Variants in ARHGDIA observed in about 807,000 individuals in gnomAD.
ARHGDIA encodes rho GDP-dissociation inhibitor 1.
A neutral mutation model predicts 25.0 loss-of-function variants in ARHGDIA; 9 were observed. The observed-to-expected ratio is 0.36, with a 90% CI of 0.22 to 0.63. The LOEUF (loss-of-function observed/expected upper bound fraction) is 0.63, where lower values mean the gene tolerates loss of function less well. Among genes scored for constraint, ARHGDIA ranks in the 20% least tolerant of loss-of-function variants. ARHGDIA has a pLI of 0.69. For missense variants in ARHGDIA, 239 were observed against 264.3 expected, an observed-to-expected ratio of 0.90 and a Z score of 0.66; for synonymous variants, 166 against 111.5, an observed-to-expected ratio of 1.49 and a Z score of -3.08.
intron 2 of ARHGDIA, 45 bp from the exon 3 acceptor site, chr17:81,869,670 G>A (rs1204475858): frequency 6.5e-6 from 10 of 1,538,610 alleles, no homozygotes; most frequent in African/African-American, 1.4e-5. Context: ...ACCAGTGGAA[G>A]TAGGGGCTGG....
chr17:81,870,192 G>A (rs912357872), intron 1 of ARHGDIA: 11 of 506,194 alleles, frequency 2.2e-5, no homozygotes, highest in East Asian at 1.3e-4. Context: ...GGGGAGAGAG[G>A]ACACACCTCC....
rs759440871 is a variant in ARHGDIA, at chr17:81,869,647, G to A, written c.191-22C>T. The A allele has an allele frequency of 2.1e-5, 32 of 1,520,846 alleles. No homozygotes were observed. The African/African-American group carries it at 2.2e-4, about 11-fold the overall frequency. 94.2% of individuals were successfully genotyped at this position (1,520,846 alleles called of 1,614,324 possible). On this transcript the variant is annotated intron_variant, in intron 2 of 5. Coordinates refer to ENST00000269321, the MANE Select transcript of ARHGDIA (RefSeq NM_004309.6). ...GGGTCTGGGGAGTGACAGCAGGTGA[G>A]GGCCCCACCCCCACCAGTGGAAGTA...
chr17:81,869,118 G>A (rs767684802), intron 5 of ARHGDIA, 43 bp from the exon 6 acceptor site: 4 of 1,612,852 alleles, frequency 2.5e-6, no homozygotes, highest in Non-Finnish European at 3.4e-6. Context: ...CCGCTTCCCC[G>A]CCTGGCAGCA....
In ARHGDIA at chr17:81,868,435, C is replaced by G. The variant is rs1183766764; in HGVS notation, c.*441G>C. 1 of 1,463,990 alleles carries G rather than the reference C, an allele frequency of 6.8e-7. No individual in the cohort carries two copies. The highest frequency in any genetic ancestry group is 1.4e-5 in the South Asian group (1 of 73,686). The allele number at this position is 1,463,990 out of a possible 1,614,324, so 90.7% of individuals were successfully genotyped here. On this transcript the variant is annotated 3_prime_UTR_variant, in exon 6 of 6. Transcript: ENST00000269321. ...GCCAGGGAGCAGCGGGGCTGGAGGA[C>G]GGCCCGGCCCCCACGAGGCCGTGCA... is the stretch of plus-strand genomic sequence containing the variant.
Position 81,868,333 on chromosome 17 carries a change from G to A in ARHGDIA, c.*543C>T, listed in dbSNP as rs998726578. ...GCTCATGCAGACACAGGGAGTTAGA[G>A]GCTAGTGAGGCCCCACGGTACACTC... On this transcript the variant is annotated 3_prime_UTR_variant, in exon 6 of 6. Coordinates refer to ENST00000269321, the MANE Select transcript of ARHGDIA (RefSeq NM_004309.6). 7.0e-7 allele frequency: 1 copy of A among 1,423,224 alleles called. No homozygotes were observed. The allele number at this position is 1,423,224 out of a possible 1,614,324, so 88.2% of individuals were successfully genotyped here.
chr17:81,868,743 G>C lies in ARHGDIA; in HGVS notation c.*133C>G. 6.5e-7 allele frequency: 1 copy of C among 1,537,592 alleles called. No individual in the cohort carries two copies. ...GAGGCACTCGGTTGAGCCAGGCCAG[G>C]GAGGCGGACCAGGGTGGGAGGGGCA... On this transcript the variant is annotated 3_prime_UTR_variant, in exon 6 of 6. Coordinates refer to ENST00000269321, the MANE Select transcript of ARHGDIA (RefSeq NM_004309.6).
chr17:81,869,051 C>T lies in ARHGDIA; in HGVS notation c.440G>A (p.Gly147Asp), dbSNP rs2039173758. The T allele has an allele frequency of 6.2e-7, 1 of 1,613,190 alleles. No individual in the cohort carries two copies. Among genetic ancestry groups the T allele is most frequent in the African/African-American group, 1.3e-5 (1 of 74,836 alleles). The part of the protein sequence containing the change: ...VKIDKTDYMV[G>D]SYGPRAEEYE... ...CTCCTCGGCCCGGGGCCCATAGCTG[C>T]CTACCATGTAGTCAGTCTTGTCAAC... The change falls in exon 6 of 6, where the codon GGC (glycine) becomes GAC (aspartate). Residue 147 changes from glycine to aspartate, a missense_variant. By Grantham distance (94) the Gly-to-Asp change is moderately conservative (BLOSUM62 -1). Transcript: ENST00000269321.
chr17:81,868,105 T>A lies in ARHGDIA; in HGVS notation c.*771A>T. 2.6e-6 allele frequency: 1 copy of A among 391,736 alleles called. No homozygotes were observed. The highest frequency in any genetic ancestry group is 4.6e-6 in the Non-Finnish European group (1 of 218,966). 24.3% of individuals were successfully genotyped at this position (391,736 alleles called of 1,614,324 possible). A position where few individuals can be genotyped will look rare whatever the true frequency, so the allele number is the denominator to read the frequency against. ...GACAGAAAAGGCAGAGGCAGGACAATACCCAGCCTCCTGGATGGTACTGAG... is the reference window on the plus strand; with the variant it reads ...GACAGAAAAGGCAGAGGCAGGACAAAACCCAGCCTCCTGGATGGTACTGAG... On this transcript the variant is annotated 3_prime_UTR_variant, in exon 6 of 6. Coordinates refer to ENST00000269321, the MANE Select transcript of ARHGDIA (RefSeq NM_004309.6).
In ARHGDIA at chr17:81,868,669, A is replaced by G; in HGVS notation, c.*207T>C. The G allele has an allele frequency of 6.5e-7, 1 of 1,534,700 alleles. No homozygotes were observed. Among genetic ancestry groups the G allele is most frequent in the Non-Finnish European group, 8.7e-7 (1 of 1,146,716 alleles). ...GGCAGAAGCAGCAACGAGACAGGAG[A>G]CCGAGGAGGCTGGGCCTGTGGGTGG... is the stretch of plus-strand genomic sequence containing the variant. On this transcript the variant is annotated 3_prime_UTR_variant, in exon 6 of 6. Transcript: ENST00000269321.
Position 81,869,823 on chromosome 17 carries a change from CTGGATGCTCT to C in ARHGDIA, c.98_107del (p.Lys33ArgfsTer37). ...CGTCCTTGTCCAGCTCCTGGATCTCCTGGATGCTCTTCTGGGCCGGGGGCTTGTAGTTGAC... is the reference window on the plus strand; with the variant it reads ...CGTCCTTGTCCAGCTCCTGGATCTCCTCTGGGCCGGGGGCTTGTAGTTGAC... On this transcript the variant is annotated frameshift_variant, in exon 2 of 6. Coordinates refer to ENST00000269321, the MANE Select transcript of ARHGDIA (RefSeq NM_004309.6). LOFTEE classifies it high-confidence loss of function. The C allele has an allele frequency of 6.2e-7, 1 of 1,614,160 alleles. No homozygotes were observed. The highest frequency in any genetic ancestry group is 8.5e-7 in the Non-Finnish European group (1 of 1,180,022).
chr17:81,868,390 C>G lies in ARHGDIA; in HGVS notation c.*486G>C, dbSNP rs981455275. On this transcript the variant is annotated 3_prime_UTR_variant, in exon 6 of 6. Coordinates refer to ENST00000269321, the MANE Select transcript of ARHGDIA (RefSeq NM_004309.6). ...TTAAGGCATCATGGTTAGACGGGAC[C>G]GACAGCGACAAGGGGGCTGGCCAGG... 4.8e-6 allele frequency: 7 copies of G among 1,444,698 alleles called. No homozygotes were observed. The East Asian group carries it at 7.5e-5, about 15-fold the overall frequency. 89.5% of individuals were successfully genotyped at this position (1,444,698 alleles called of 1,614,324 possible).
rs1208779952 is a variant in ARHGDIA at position 81,869,341 on chromosome 17, T to A, written c.340A>T (p.Ile114Phe). The A allele has an allele frequency of 6.2e-7, 1 of 1,613,838 alleles. No individual in the cohort carries two copies. Among genetic ancestry groups the A allele is most frequent in the East Asian group, 2.2e-5 (1 of 44,864 alleles). Residue 114 changes from isoleucine (I) to phenylalanine (F), a missense_variant, in exon 4 of 6, where the codon ATC becomes TTC. Physicochemically the swap from Ile to Phe is conservative, Grantham distance 21. This residue lies in a region of ARHGDIA where 75 missense variants were observed against 122.4 expected (regional missense o/e 0.61). Coordinates refer to ENST00000269321, the MANE Select transcript of ARHGDIA (RefSeq NM_004309.6). ...AGCCTGTAGCTTACCCGGAAAGAGA[T>A]TTTTATCCGGTACTCCACACCCTCC... ...LKEGVEYRIK[I>F]SFRVNREIVS... is the part of the protein sequence containing the mutation.
chr17:81,869,622 G>A lies in ARHGDIA; in HGVS notation c.194C>T (p.Pro65Leu), dbSNP rs1410907456. Reference sequence around the variant, plus strand: ...AGTCACCACGACGTTGGGGACGTTGGGGTCTGGGGAGTGACAGCAGGTGAG... The same window carrying A: ...AGTCACCACGACGTTGGGGACGTTGAGGTCTGGGGAGTGACAGCAGGTGAG... The part of the protein sequence containing the change: ...LLGRVAVSAD[P>L]NVPNVVVTGL... Residue 65 changes from proline (P) to leucine (L), a missense_variant, in exon 3 of 6, where the codon CCC (proline) becomes CTC (leucine). Pro to Leu is a moderately conservative substitution (Grantham distance 98). Transcript: ENST00000269321. The A allele has an allele frequency of 5.9e-6, 9 of 1,514,114 alleles. No homozygotes were observed. The highest frequency in any genetic ancestry group is 7.9e-6 in the Non-Finnish European group (9 of 1,133,112). 93.8% of individuals were successfully genotyped at this position (1,514,114 alleles called of 1,614,324 possible).
chr17:81,868,263 TG>T lies in ARHGDIA; in HGVS notation c.*612del. 1 of 1,177,010 alleles carries T rather than the reference TG, an allele frequency of 8.5e-7. No homozygotes were observed. The highest frequency in any genetic ancestry group is 1.1e-6 in the Non-Finnish European group (1 of 877,578). 72.9% of individuals were successfully genotyped at this position (1,177,010 alleles called of 1,614,324 possible). ...AGCAGCAGCACACCCCACGTGTCCC[TG>T]GGTCACTGGGTTCGCCACCGGGGAA... is the stretch of plus-strand genomic sequence containing the variant. On this transcript the variant is annotated 3_prime_UTR_variant, in exon 6 of 6. Transcript: ENST00000269321.
Position 81,869,126 on chromosome 17 carries a change from G to C in ARHGDIA, c.415+47C>G, listed in dbSNP as rs754100711. 3.3e-5 allele frequency: 53 copies of C among 1,613,082 alleles called. No individual in the cohort carries two copies. In the South Asian group the frequency reaches 4.3e-4, roughly 13 times the overall value. ...AGCGGCCCCGCTTCCCCGCCTGGCAGCACGCACCCAAGCGGCCCCCTCTGC... is the reference window on the plus strand; with the variant it reads ...AGCGGCCCCGCTTCCCCGCCTGGCACCACGCACCCAAGCGGCCCCCTCTGC... On this transcript the variant is annotated intron_variant, in intron 5 of 5. Coordinates refer to ENST00000269321, the MANE Select transcript of ARHGDIA (RefSeq NM_004309.6).
chr17:81,871,129 C>T (rs937885622), intron 1 of ARHGDIA, among the ~76,000 whole-genome samples, 169 bp downstream of exon 1: 2 of 145,738 alleles, frequency 1.4e-5, no homozygotes, highest in Admixed American at 1.4e-4. Context: ...CGCCCTGGCC[C>T]GCTGTCACCG....
At position 81,869,548 on chromosome 17, in the gene ARHGDIA, G is replaced by C. The variant is rs1472085150; in HGVS notation, c.268C>G (p.Leu90Val). The change falls in exon 3 of 6, where the codon CTG becomes GTG. Residue 90 changes from leucine (L) to valine (V), a missense_variant. Transcript: ENST00000269321. ...SSAPGPLELDLTGDLESFKKQ... is the reference protein window; with the variant it reads ...SSAPGPLELDVTGDLESFKKQ... The stretch of plus-strand genomic sequence containing the variant: ...GCGGCCGCAGGGCACTCACCCGTCA[G>C]GTCCAGCTCCAGGGGGCCCGGGGCC... The C allele has an allele frequency of 6.3e-7, 1 of 1,580,848 alleles. No individual in the cohort carries two copies. Among genetic ancestry groups the C allele is most frequent in the African/African-American group, 1.4e-5 (1 of 73,846 alleles).
chr17:81,868,753 C>T lies in ARHGDIA; in HGVS notation c.*123G>A. The stretch of plus-strand genomic sequence containing the variant: ...GTTGAGCCAGGCCAGGGAGGCGGAC[C>T]AGGGTGGGAGGGGCACGGAGGGCCT... On this transcript the variant is annotated 3_prime_UTR_variant, in exon 6 of 6. Transcript: ENST00000269321. 1.3e-6 allele frequency: 2 copies of T among 1,517,412 alleles called. No individual in the cohort carries two copies. The highest frequency in any genetic ancestry group is 5.0e-5 in the East Asian group (2 of 40,172). The allele number at this position is 1,517,412 out of a possible 1,614,324, so 94.0% of individuals were successfully genotyped here.
In ARHGDIA at chr17:81,869,859, C is replaced by T. The variant is rs775558879; in HGVS notation, c.72G>A (p.Ser24=). The change falls in exon 2 of 6, where the codon TCG becomes TCA. Residue 24 remains serine (S), a synonymous_variant. Coordinates refer to ENST00000269321, the MANE Select transcript of ARHGDIA (RefSeq NM_004309.6). ...TCTGGGCCGGGGGCTTGTAGTTGAC[C>T]GAGTGCTCATCCTCCTCGTTCTCCG... The part of the protein sequence containing the change: ...IAAENEEDEH[S]VNYKPPAQKS... 7 of 1,614,098 alleles carry T rather than the reference C, an allele frequency of 4.3e-6. No homozygotes were observed. The highest frequency in any genetic ancestry group is 5.9e-6 in the Non-Finnish European group (7 of 1,180,024).
Sources: gnomAD v4.1 joint callset for allele counts (sites outside exome capture counted in the v4.1 genomes callset) on GRCh38, gnomAD v4.1.1 for gene constraint, gnomAD v4.1.1 regional missense constraint, MANE v1.5 for transcripts, NCBI Gene and HGNC (gene_info 2026-07-23, HGNC 2026-07-21) for gene names.